PRKD1: variants seen among roughly 807,000 people sequenced by gnomAD.
PRKD1 encodes the protein protein kinase D1.
A neutral mutation model predicts 95.9 loss-of-function variants in PRKD1; 63 were observed. The ratio of observed to expected loss-of-function variants is 0.66; its 90% CI spans 0.54 to 0.81. PRKD1 has a LOEUF of 0.81. Among genes scored for constraint, PRKD1 ranks in the 30% least tolerant of loss-of-function variants. The pLI is 0.00. For missense variants in PRKD1, 1,048 were observed against 1,165.3 expected, an observed-to-expected ratio of 0.90 and a Z score of 1.47; for synonymous variants, 425 against 423.1, an observed-to-expected ratio of 1.00 and a Z score of -0.05.
intron 10 of PRKD1, 178 bp downstream of exon 10, chr14:29,630,564 T>A: frequency 1.4e-6 from 1 of 701,188 alleles, no homozygotes; most frequent in Non-Finnish European, 2.3e-6. Flanking sequence ...TTTAACAAAC[T>A]AAACATCTTA....
chr14:29,610,118 A>G (rs1878352978), intron 13 of PRKD1, among the ~76,000 whole-genome samples: 1 of 152,134 alleles, frequency 6.6e-6, no homozygotes, highest in African/African-American at 2.4e-5. Context: ...TTCCACATAG[A>G]AGTAGTATAA....
At chr14:29,653,456 T>C (rs1043629080) in intron 4 of PRKD1, among the ~76,000 whole-genome samples, 1 of 152,226 alleles carries the variant, frequency 6.6e-6, no homozygotes, top group East Asian at 1.9e-4. Flanking sequence ...AGTTATTTAA[T>C]TTTTTAAAAA....
intron 1 of PRKD1, among the ~76,000 whole-genome samples, chr14:29,876,730 CA>C (rs998186214): frequency 6.2e-5 from 9 of 145,724 alleles, no homozygotes; most frequent in African/African-American, 2.1e-4. Context: ...CAAAAAAAAA[CA>C]AAAAAAAGCA....
chr14:29,642,155 G>A (rs979810828), intron 4 of PRKD1, among the ~76,000 whole-genome samples: 5 of 150,792 alleles, frequency 3.3e-5, no homozygotes, highest in South Asian at 4.2e-4. Context: ...CACCTGCCTC[G>A]AGCCTCCCAA....
chr14:29,871,338 T>G (rs940626794), intron 1 of PRKD1, among the ~76,000 whole-genome samples: 9 of 152,252 alleles, frequency 5.9e-5, no homozygotes, highest in African/African-American at 2.2e-4. Flanking sequence ...GGATAAAAAC[T>G]ATACAATTTG....
At chr14:29,834,317 G>C (rs1323905484) in intron 1 of PRKD1, among the ~76,000 whole-genome samples, 1 of 152,078 alleles carries the variant, frequency 6.6e-6, no homozygotes, top group Admixed American at 6.5e-5. Flanking sequence ...TTGACATACT[G>C]TTGTGGAACT....
At chr14:29,691,539 T>C (rs1884232627) in intron 2 of PRKD1, among the ~76,000 whole-genome samples, 1 of 152,220 alleles carries the variant, frequency 6.6e-6, no homozygotes, top group Non-Finnish European at 1.5e-5. Context: ...CCATATTGCC[T>C]TGCAGAGGAT....
chr14:29,676,177 GTTTTTGTTTTTTT>G (rs1883191303), intron 2 of PRKD1, among the ~76,000 whole-genome samples: 2 of 104,758 alleles, frequency 1.9e-5, no homozygotes, highest in Non-Finnish European at 3.7e-5. Context: ...AGTTCATTAC[GTTTTTGTTTTTTT>G]TTTTTTTTTT....
chr14:29,806,917 G>T (rs1486676044), intron 1 of PRKD1, among the ~76,000 whole-genome samples: 2 of 152,022 alleles, frequency 1.3e-5, no homozygotes. Flanking sequence ...AAACCATATT[G>T]TCGCAATATG....
intron 2 of PRKD1, among the ~76,000 whole-genome samples, chr14:29,708,626 G>A (rs1885196245): frequency 6.6e-6 from 1 of 152,182 alleles, no homozygotes; most frequent in South Asian, 2.1e-4. Flanking sequence ...TTGGAAGCAG[G>A]TGGATCCTTT....
At chr14:29,792,771 T>C (rs1889603997) in intron 1 of PRKD1, among the ~76,000 whole-genome samples, 1 of 152,086 alleles carries the variant, frequency 6.6e-6, no homozygotes, top group African/African-American at 2.4e-5. Context: ...GGCATAGCAA[T>C]ACTTGTGAAG....
chr14:29,633,051 G>C (rs1041224257), intron 8 of PRKD1, 105 bp from the exon 9 acceptor site: 14 of 1,034,198 alleles, frequency 1.4e-5, no homozygotes, highest in African/African-American at 1.3e-4. Context: ...TTTGAGGGTG[G>C]AAAGTGCATG....
chr14:29,804,236 A>G (rs1594533763), intron 1 of PRKD1, among the ~76,000 whole-genome samples: 1 of 85,244 alleles, frequency 1.2e-5, no homozygotes, highest in Non-Finnish European at 2.5e-5. Flanking sequence ...GAACGAAACT[A>G]AAAAAAAAAA....
chr14:29,648,296 AT>A lies in PRKD1; in HGVS notation c.697-9393del, dbSNP rs3065239. On this transcript the variant is annotated intron_variant, in intron 4 of 17. Transcript: ENST00000331968. Reference sequence around the variant, plus strand: ...ATGATGTTTAATAAAGAGCACCACAATTTTTTTTTTTTTTTGAGTGGCTACA... The same window carrying A: ...ATGATGTTTAATAAAGAGCACCACAATTTTTTTTTTTTTTGAGTGGCTACA... 6.8e-3 allele frequency among the ~76,000 whole-genome samples: 979 copies of A among 144,796 alleles called. 12 individuals carry two copies. The highest frequency in any genetic ancestry group is 0.019 in the African/African-American group (743 of 39,538). The allele number at this position is 144,796 out of a possible 152,430, so 95.0% of individuals were successfully genotyped here. A position where few individuals can be genotyped will look rare whatever the true frequency, so the allele number is the denominator to read the frequency against.
At chr14:29,738,307 T>A (rs964647574) in intron 1 of PRKD1, among the ~76,000 whole-genome samples, 1 of 152,122 alleles carries the variant, frequency 6.6e-6, no homozygotes, top group African/African-American at 2.4e-5. Context: ...TCCTTTTCCC[T>A]CCCTTTCTTT....
intron 1 of PRKD1, among the ~76,000 whole-genome samples, chr14:29,776,479 C>A (rs533883546): frequency 6.6e-6 from 1 of 152,210 alleles, no homozygotes; most frequent in East Asian, 1.9e-4. Flanking sequence ...AACCATGGCA[C>A]AAGAACTACG....
intron 2 of PRKD1, among the ~76,000 whole-genome samples, chr14:29,691,579 A>C (rs1884236011): frequency 6.6e-6 from 1 of 152,138 alleles, no homozygotes; most frequent in South Asian, 2.1e-4. Flanking sequence ...TTGGTGCAAA[A>C]CTAATTGCAC....
chr14:29,700,053 T>G (rs1446094776), intron 2 of PRKD1, among the ~76,000 whole-genome samples: 1 of 151,864 alleles, frequency 6.6e-6, no homozygotes, highest in Non-Finnish European at 1.5e-5. Context: ...GTTCAAAAAT[T>G]ATCAAGATTT....
chr14:29,793,036 C>G (rs949278890), intron 1 of PRKD1, among the ~76,000 whole-genome samples: 1 of 151,828 alleles, frequency 6.6e-6, no homozygotes, highest in South Asian at 2.1e-4. Flanking sequence ...ACTTCACACT[C>G]TATCATGAAA....
Sources: allele counts gnomAD v4.1 joint callset (sites outside exome capture counted in the v4.1 genomes callset), GRCh38; gene constraint gnomAD v4.1.1; transcripts MANE v1.5; gene names NCBI Gene and HGNC (gene_info 2026-07-23, HGNC 2026-07-21).